The following ABCA9 variants were observed in gnomAD, a reference collection of about 807,000 sequenced individuals.
The protein encoded by ABCA9 is ATP-binding cassette sub-family A member 9.
ABCA9 carries 183 observed loss-of-function variants against 205.3 expected under a neutral mutation model. The observed-to-expected ratio is 0.89, with a 90% confidence interval of 0.79 to 1.01. ABCA9 has a LOEUF of 1.01. Among genes scored for constraint, ABCA9 ranks in the 50% least tolerant of loss-of-function variants. The pLI, the probability that ABCA9 is intolerant of heterozygous loss-of-function variation, is 0.00. For missense variants in ABCA9, 1,805 were observed against 1,912.4 expected (o/e 0.94, Z 1.05); for synonymous variants, 651 against 683.3 (o/e 0.95, Z 0.74).
chr17:69,016,315 C>T lies in ABCA9; in HGVS notation c.2977G>A (p.Gly993Arg). ...FPVLLDVISN[G>R]LLGIFNSSEH... ...GACGAATTAAAAATTCCAAGTAGTCCATTGCTAATGACATCCAGGAGGACA... is the reference window on the plus strand; with the variant it reads ...GACGAATTAAAAATTCCAAGTAGTCTATTGCTAATGACATCCAGGAGGACA... The change falls in exon 22 of 39, where the codon GGA (glycine) becomes AGA (arginine). Residue 993 changes from glycine (G) to arginine (R), a missense_variant. Physicochemically the swap from Gly to Arg is moderately radical, Grantham distance 125 (BLOSUM62 -2). Coordinates refer to ENST00000340001, the MANE Select transcript of ABCA9 (RefSeq NM_080283.4). The T allele has an allele frequency of 6.2e-7, 1 of 1,601,984 alleles. No individual in the cohort carries two copies. Among genetic ancestry groups the T allele is most frequent in the Non-Finnish European group, 8.5e-7 (1 of 1,175,488 alleles).
At chr17:69,009,883 A>G (rs1032422920) in intron 23 of ABCA9, among the ~76,000 whole-genome samples, 6 of 152,194 alleles carry the variant, frequency 3.9e-5, no homozygotes, top group African/African-American at 1.4e-4. Flanking sequence ...GTTAAATTTG[A>G]ATTTTAGATA....
At chr17:69,013,468 G>A (rs1161421107) in intron 22 of ABCA9, among the ~76,000 whole-genome samples, 1 of 152,040 alleles carries the variant, frequency 6.6e-6, no homozygotes, top group Non-Finnish European at 1.5e-5. Flanking sequence ...GGGTGCCAAA[G>A]ACTACATCCC....
chr17:69,003,062 T>G (rs1388095298), intron 25 of ABCA9, among the ~76,000 whole-genome samples: 1 of 150,806 alleles, frequency 6.6e-6, no homozygotes, highest in Non-Finnish European at 1.5e-5. Flanking sequence ...GGGTCTTGAC[T>G]CTTTATCCAG....
At chr17:69,055,968 A>T (rs2072058072) in intron 1 of ABCA9, among the ~76,000 whole-genome samples, 1 of 152,206 alleles carries the variant, frequency 6.6e-6, no homozygotes, top group Non-Finnish European at 1.5e-5. Flanking sequence ...TGAACTAAAT[A>T]AAAATGAAAA....
chr17:69,073,045 G>A, the ABCA9 span, among the ~76,000 whole-genome samples: 1 of 152,140 alleles, frequency 6.6e-6, no homozygotes, highest in African/African-American at 2.4e-5. Flanking sequence ...AACAAGAAGA[G>A]ATAACTATCC....
At position 69,008,235 on chromosome 17, in the gene ABCA9, T is replaced by C; in HGVS notation, c.3148A>G (p.Lys1050Glu). ...ATCCGTAGCTGGGAATGAGCTTTTT[T>C]CTGATAAAGAAATAGAAGAATCATC... is the stretch of plus-strand genomic sequence containing the variant. ...IAMSSIGDYK[K>E]KAHSQLRISG... Residue 1050 changes from lysine to glutamate, a missense_variant and splice_region_variant, in exon 24 of 39, where the codon AAA becomes GAA. Lys to Glu is a moderately conservative substitution (Grantham distance 56, BLOSUM62 1). Transcript: ENST00000340001. The C allele has an allele frequency of 1.2e-6, 2 of 1,611,610 alleles. No homozygotes were observed. The highest frequency in any genetic ancestry group is 2.2e-5 in the South Asian group (2 of 90,382).
the ABCA9 span, among the ~76,000 whole-genome samples, chr17:69,075,135 T>C: frequency 6.6e-6 from 1 of 152,102 alleles, no homozygotes; most frequent in East Asian, 1.9e-4. Flanking sequence ...TATAGATACT[T>C]GATATTTGAC....
chr17:68,984,010 C>T lies in ABCA9; in HGVS notation c.4499+46G>A, dbSNP rs994686443. On this transcript the variant is annotated intron_variant, in intron 35 of 38. Coordinates refer to ENST00000340001, the MANE Select transcript of ABCA9 (RefSeq NM_080283.4). ...GGTGCAGGGAAATAAACTTTGCTCA[C>T]AGCACACAACCTAGGGGCTGAGCGC... 8 of 1,610,836 alleles carry T rather than the reference C, an allele frequency of 5.0e-6. No individual in the cohort carries two copies. The Middle Eastern group carries it at 5.0e-4, about 100-fold the overall frequency.
rs2070198132 is a variant in ABCA9, at chr17:69,007,740, G to A, written c.3435+19C>T. 1.5e-6 allele frequency: 2 copies of A among 1,348,032 alleles called. No individual in the cohort carries two copies. The highest frequency in any genetic ancestry group is 2.1e-6 in the Non-Finnish European group (2 of 941,904). The allele number at this position is 1,348,032 out of a possible 1,614,324, so 83.5% of individuals were successfully genotyped here. ...TTTATGAAAAATGGTAAAATAATAG[G>A]TAGTATATGCATACTCACAATTAAG... On this transcript the variant is annotated intron_variant, in intron 25 of 38. Transcript: ENST00000340001.
In ABCA9 at chr17:68,987,837, C is replaced by T. The variant is rs116922589; in HGVS notation, c.4047+1190G>A. Among the ~76,000 whole-genome samples the T allele has an allele frequency of 6.5e-3, 992 of 151,678 alleles. 2 individuals carry two copies. The highest frequency in any genetic ancestry group is 0.011 in the Non-Finnish European group (756 of 67,876). On this transcript the variant is annotated intron_variant, in intron 31 of 38. Transcript: ENST00000340001. ...GTGCAATAGCGCTATCTCAGCTCACCGCAACCTTGGCCTCCCGGCCGGGTT... is the reference window on the plus strand; with the variant it reads ...GTGCAATAGCGCTATCTCAGCTCACTGCAACCTTGGCCTCCCGGCCGGGTT...
chr17:69,046,937 TTA>T (rs3046836), intron 3 of ABCA9, among the ~76,000 whole-genome samples: 64,624 of 138,516 alleles, frequency 0.47, 17,932 homozygotes, highest in Non-Finnish European at 0.62. Flanking sequence ...ATAGAAAATT[TTA>T]TATATATATA....
At position 69,059,677 on chromosome 17, in the gene ABCA9, T is replaced by A. The variant is rs28582619; in HGVS notation, c.-14+1189A>T. Among the ~76,000 whole-genome samples the A allele has an allele frequency of 4.2e-3, 636 of 151,358 alleles. 10 individuals carry two copies. The highest frequency in any genetic ancestry group is 0.015 in the African/African-American group (612 of 41,172). ...CCATTAAGTTTGTGGTCATTTTTTT[T>A]TTTTTTACAGCAGCAATAGAAAGTT... On this transcript the variant is annotated intron_variant, in intron 1 of 38. Transcript: ENST00000340001.
At chr17:69,043,766 C>G in intron 5 of ABCA9, 51 bp from the exon 6 acceptor site, 1 of 1,428,334 alleles carries the variant, frequency 7.0e-7, no homozygotes, top group Non-Finnish European at 9.5e-7. Context: ...TAATTCCAAC[C>G]TTAGGCTTTT....
chr17:68,994,443 A>C (rs922296561), intron 26 of ABCA9, among the ~76,000 whole-genome samples: 1 of 152,206 alleles, frequency 6.6e-6, no homozygotes, highest in South Asian at 2.1e-4. Flanking sequence ...CCTAAACTGC[A>C]TTTAAAAGCA....
intron 24 of ABCA9, 70 bp from the exon 25 acceptor site, chr17:69,007,942 A>C (rs1404589709): frequency 6.9e-7 from 1 of 1,439,240 alleles, no homozygotes; most frequent in Non-Finnish European, 9.6e-7. Context: ...TTACTCTTCA[A>C]TTTTCCAAAA....
At chr17:69,034,409 T>C (rs1489460137) in intron 8 of ABCA9, among the ~76,000 whole-genome samples, 1 of 151,976 alleles carries the variant, frequency 6.6e-6, no homozygotes, top group Non-Finnish European at 1.5e-5. Context: ...TTTGTGGAGA[T>C]GGGGTTTCAC....
intron 15 of ABCA9, 129 bp downstream of exon 15, chr17:69,026,847 A>G (rs1490877979): frequency 1.3e-5 from 15 of 1,156,216 alleles, no homozygotes; most frequent in Non-Finnish European, 1.8e-5. Flanking sequence ...CCCACAAATG[A>G]GTAAGAGCAA....
Position 68,975,959 on chromosome 17 carries a change from C to T in ABCA9, c.4831G>A (p.Asp1611Asn), listed in dbSNP as rs2068881030. ...QELGDLEEDF[D>N]PSVKWKLLLQ... ...AGGAGTTTCCACTTCACCGAGGGAT[C>T]AAAGTCCTCTTCAAGATCACCCAGC... Residue 1611 changes from aspartate (D) to asparagine (N), a missense_variant, in exon 39 of 39, where the codon GAT (aspartate) becomes AAT (asparagine). Physicochemically the swap from Asp to Asn is conservative, Grantham distance 23. Transcript: ENST00000340001. 1 of 1,613,744 alleles carries T rather than the reference C, an allele frequency of 6.2e-7. No individual in the cohort carries two copies. Among genetic ancestry groups the T allele is most frequent in the African/African-American group, 1.3e-5 (1 of 75,056 alleles).
At chr17:69,078,678 TA>T in the ABCA9 span, 5 of 217,240 alleles carry the variant, frequency 2.3e-5, no homozygotes, top group African/African-American at 4.6e-5. Flanking sequence ...TTGTAAAAGG[TA>T]AAAAAGTCAT....
Sources: gnomAD v4.1 joint callset for allele counts (sites outside exome capture counted in the v4.1 genomes callset) on GRCh38, gnomAD v4.1.1 for gene constraint, MANE v1.5 for transcripts, NCBI Gene and HGNC (gene_info 2026-07-23, HGNC 2026-07-21) for gene names.